SLC29A3: variants seen among roughly 807,000 people sequenced by gnomAD.
SLC29A3 encodes equilibrative nucleoside transporter 3.
A neutral mutation model predicts 25.4 loss-of-function variants in SLC29A3; 18 were observed. The ratio of observed to expected loss-of-function variants is 0.71; its 90% confidence interval spans 0.49 to 1.05. The LOEUF is 1.05. Ranked by LOEUF, SLC29A3 falls within the 50% of genes least tolerant of loss-of-function variation. SLC29A3 has a pLI of 0.00. For synonymous variants in SLC29A3, 258 were observed against 267.1 expected, an observed-to-expected ratio of 0.97 and a Z score of 0.33; for missense variants, 586 against 609.0, an observed-to-expected ratio of 0.96 and a Z score of 0.40.
At chr10:71,320,884 C>T (rs1018137475) in intron 1 of SLC29A3, among the ~76,000 whole-genome samples, 1 of 152,210 alleles carries the variant, frequency 6.6e-6, no homozygotes, top group African/African-American at 2.4e-5. Flanking sequence ...CCAGCAGACA[C>T]AGATTCCCAT....
chr10:71,343,776 C>T (rs1237940911), intron 2 of SLC29A3, among the ~76,000 whole-genome samples: 3 of 152,142 alleles, frequency 2.0e-5, no homozygotes, highest in South Asian at 2.1e-4. Context: ...AGCAAGACCT[C>T]GTCTCTACTA....
intron 1 of SLC29A3, among the ~76,000 whole-genome samples, chr10:71,320,689 A>T (rs1845828775): frequency 6.6e-6 from 1 of 152,196 alleles, no homozygotes; most frequent in South Asian, 2.1e-4. Context: ...GATGCATTGC[A>T]CTTGGGCATC....
chr10:71,362,353 C>T lies in SLC29A3; in HGVS notation c.1173C>T (p.Pro391=), dbSNP rs781693842. ...GFVLLRTCLI[P]LFVLCNYQPR... ...TGCTCCTCCGGACCTGCCTCATCCC[C>T]CTCTTCGTGCTCTGTAACTACCAGC... The change falls in exon 6 of 6, where the codon CCC becomes CCT. Residue 391 remains proline (P), a synonymous_variant. Transcript: ENST00000373189. 23 of 1,614,158 alleles carry T rather than the reference C, an allele frequency of 1.4e-5. No homozygotes were observed. The Middle Eastern group carries it at 8.3e-4, about 58-fold the overall frequency.
At chr10:71,374,477 C>T (rs1847234853) in intron 3 of SLC29A3, among the ~76,000 whole-genome samples, 1 of 152,164 alleles carries the variant, frequency 6.6e-6, no homozygotes, top group Non-Finnish European at 1.5e-5. Context: ...CATTCTGCTC[C>T]CGCCATGGTA....
At chr10:71,354,144 A>G (rs1846834955) in intron 4 of SLC29A3, among the ~76,000 whole-genome samples, 1 of 152,232 alleles carries the variant, frequency 6.6e-6, no homozygotes, top group Non-Finnish European at 1.5e-5. Flanking sequence ...TGGGAATCAG[A>G]AAGGATTTGT....
At chr10:71,331,696 AC>A (rs1223169475) in intron 2 of SLC29A3, among the ~76,000 whole-genome samples, 3 of 152,236 alleles carry the variant, frequency 2.0e-5, no homozygotes, top group African/African-American at 7.2e-5. Flanking sequence ...GAGCTGTGCA[AC>A]CTGTAGTTTG....
intron 3 of SLC29A3, among the ~76,000 whole-genome samples, chr10:71,349,340 C>T (rs948467652): frequency 1.3e-5 from 2 of 152,168 alleles, no homozygotes; most frequent in African/African-American, 4.8e-5. Flanking sequence ...CTCTGCATGG[C>T]TTTTCCTCCA....
chr10:71,319,298 C>A lies in SLC29A3; in HGVS notation c.-12C>A. ...TGCGCCGGAGGCAGCGGCGGCGTGGCGCAGCGGCGACAGTAAGTGCGGGCC... is the reference window on the plus strand; with the variant it reads ...TGCGCCGGAGGCAGCGGCGGCGTGGAGCAGCGGCGACAGTAAGTGCGGGCC... On this transcript the variant is annotated 5_prime_UTR_variant, in exon 1 of 6. Transcript: ENST00000373189. 1 of 643,260 alleles carries A rather than the reference C, an allele frequency of 1.6e-6. No homozygotes were observed. Among genetic ancestry groups the A allele is most frequent in the East Asian group, 3.3e-5 (1 of 30,348 alleles). 39.8% of individuals were successfully genotyped at this position (643,260 alleles called of 1,614,324 possible).
chr10:71,380,925 A>G (rs1162344073), exon 5 of SLC29A3: 1 of 152,120 alleles, frequency 6.6e-6, no homozygotes. Context: ...ATTTACCAGA[A>G]AAACCCAAAA....
Position 71,322,984 on chromosome 10 carries a change from A to G in SLC29A3, c.230A>G (p.Tyr77Cys), listed in dbSNP as rs1162150681. 7 of 1,614,018 alleles carry G rather than the reference A, an allele frequency of 4.3e-6. No individual in the cohort carries two copies. The highest frequency in any genetic ancestry group is 5.9e-6 in the Non-Finnish European group (7 of 1,180,050). The change falls in exon 2 of 6, where the codon TAC (tyrosine) becomes TGC (cysteine). Residue 77 changes from tyrosine (Y) to cysteine (C), a missense_variant. Physicochemically the swap from Tyr to Cys is radical, Grantham distance 194. Coordinates refer to ENST00000373189, the MANE Select transcript of SLC29A3 (RefSeq NM_018344.6). The part of the protein sequence containing the change: ...PWNFFITAKE[Y>C]WMFKLRNSSS... ...AACTTCTTTATCACTGCCAAGGAGT[A>G]CTGGATGTTCAAACTCCGCAACTCC...
intron 3 of SLC29A3, among the ~76,000 whole-genome samples, chr10:71,351,149 C>T (rs1338826958): frequency 6.6e-6 from 1 of 152,232 alleles, no homozygotes; most frequent in Non-Finnish European, 1.5e-5. Context: ...CCAGCAGGAG[C>T]TCAGCCCTGT....
intron 2 of SLC29A3, among the ~76,000 whole-genome samples, chr10:71,329,395 C>T (rs1215219856): frequency 6.7e-6 from 1 of 148,674 alleles, no homozygotes; most frequent in Non-Finnish European, 1.5e-5. Flanking sequence ...GAGGCAGAGG[C>T]TGCAGTGAGC....
intron 2 of SLC29A3, among the ~76,000 whole-genome samples, chr10:71,325,790 A>G (rs1040603406): frequency 6.6e-6 from 1 of 152,128 alleles, no homozygotes; most frequent in Non-Finnish European, 1.5e-5. Context: ...GCCAATTGAG[A>G]CAGGGCCTTC....
chr10:71,337,711 C>T (rs1846289440), intron 2 of SLC29A3, among the ~76,000 whole-genome samples: 1 of 152,184 alleles, frequency 6.6e-6, no homozygotes, highest in Admixed American at 6.5e-5. Context: ...CCAGGGTCTG[C>T]CAGAGATAAA....
chr10:71,377,288 C>T (rs1457286366), intron 4 of SLC29A3, among the ~76,000 whole-genome samples: 5 of 152,220 alleles, frequency 3.3e-5, no homozygotes, highest in Admixed American at 3.3e-4. Flanking sequence ...TACCTGGAGA[C>T]GCCCACGGCA....
intron 1 of SLC29A3, chr10:71,319,535 C>T (rs1018726964): frequency 4.8e-6 from 2 of 414,422 alleles, no homozygotes; most frequent in African/African-American, 2.1e-5. Context: ...ATCCTCTCCC[C>T]TCCTCCTCCC....
At chr10:71,325,987 G>A (rs572972487) in intron 2 of SLC29A3, among the ~76,000 whole-genome samples, 1 of 149,998 alleles carries the variant, frequency 6.7e-6, no homozygotes, top group East Asian at 2.0e-4. Flanking sequence ...TGCAGTCAAG[G>A]CTCACTGCAG....
chr10:71,356,373 T>A, intron 5 of SLC29A3, 130 bp downstream of exon 5: 1 of 1,174,682 alleles, frequency 8.5e-7, no homozygotes, highest in Non-Finnish European at 1.2e-6. Context: ...GTTCAACAAA[T>A]AGGCTTGGCT....
chr10:71,355,354 C>T (rs534231809), intron 4 of SLC29A3, among the ~76,000 whole-genome samples: 22 of 152,290 alleles, frequency 1.4e-4, no homozygotes, highest in African/African-American at 5.3e-4. Flanking sequence ...CACGGTCTCA[C>T]AGGTAATGTG....
Sources: allele counts gnomAD v4.1 joint callset (sites outside exome capture counted in the v4.1 genomes callset), GRCh38; gene constraint gnomAD v4.1.1; transcripts MANE v1.5; gene names NCBI Gene and HGNC (gene_info 2026-07-23, HGNC 2026-07-21).